SYTL1: variants seen among roughly 807,000 people sequenced by gnomAD.
SYTL1 encodes synaptotagmin like 1.
In SYTL1, 53 loss-of-function variants were observed where a neutral mutation model predicts 74.6. The ratio of observed to expected loss-of-function variants is 0.71; its 90% confidence interval spans 0.57 to 0.89. The LOEUF is 0.89. Ranked by LOEUF, SYTL1 falls within the 40% of genes least tolerant of loss-of-function variation. The pLI is 0.00. For missense variants in SYTL1, 728 were observed against 768.7 expected (o/e 0.95, Z 0.63); for synonymous variants, 329 against 324.9 (o/e 1.01, Z -0.14).
rs201371291 is a variant in SYTL1, at chr1:27,350,968, C to T, written c.1164+16C>T. On this transcript the variant is annotated intron_variant, in intron 11 of 14. Transcript: ENST00000616558. This position sits in a 1 kb window ranked among gnomAD's most constrained non-coding sequence, Gnocchi z 6.3. ...GCAGCCCCGGGTGAGGCAGCCAGGC[C>T]GCGTGGGGAGACCTGCGGCCCGGGT... 1.9e-5 allele frequency: 31 copies of T among 1,612,202 alleles called. No individual in the cohort carries two copies. The highest frequency in any genetic ancestry group is 6.7e-5 in the Admixed American group (4 of 59,968).
In SYTL1 at chr1:27,349,764, C is replaced by G; in HGVS notation, c.746C>G (p.Thr249Arg). ...SSSVSSLNSS[T>R]LSGSQMSLSG... Reference sequence around the variant, plus strand: ...TCGGTGTCCAGCCTTAACTCCTCCACGGTGAGGCGGGAGGGAGGGGACCCG... The same window carrying G: ...TCGGTGTCCAGCCTTAACTCCTCCAGGGTGAGGCGGGAGGGAGGGGACCCG... Residue 249 changes from threonine (T) to arginine (R), a missense_variant and splice_region_variant, in exon 8 of 15, where the codon ACG (threonine) becomes AGG (arginine). Coordinates refer to ENST00000616558, the MANE Select transcript of SYTL1 (RefSeq NM_001193308.2). The G allele has an allele frequency of 1.3e-6, 2 of 1,596,342 alleles. No homozygotes were observed. The highest frequency in any genetic ancestry group is 1.7e-6 in the Non-Finnish European group (2 of 1,176,272).
Position 27,350,825 on chromosome 1 carries a change from G to A in SYTL1, c.1037G>A (p.Arg346His), listed in dbSNP as rs753631898. ...YSVPQAELQG[R>H]VLSLSVWHRE... ...GTCCCGCAGGCCGAGCTTCAGGGCC[G>A]CGTGCTGAGCCTGTCTGTGTGGCAC... Residue 346 changes from arginine (R) to histidine (H), a missense_variant, in exon 11 of 15, where the codon CGC (arginine) becomes CAC (histidine). Arg to His is a conservative substitution (Grantham distance 29, BLOSUM62 0). Coordinates refer to ENST00000616558, the MANE Select transcript of SYTL1 (RefSeq NM_001193308.2). The surrounding 1 kb of genome is among the most constrained non-coding windows in gnomAD (Gnocchi z 6.3). 2 of 1,613,808 alleles carry A rather than the reference G, an allele frequency of 1.2e-6. No individual in the cohort carries two copies. Among genetic ancestry groups the A allele is most frequent in the Non-Finnish European group, 1.7e-6 (2 of 1,180,038 alleles).
rs1453391205 is a variant in SYTL1 at position 27,350,334 on chromosome 1, C to A, written c.909-55C>A. On this transcript the variant is annotated intron_variant, in intron 9 of 14. Transcript: ENST00000616558. This position sits in a 1 kb window ranked among gnomAD's most constrained non-coding sequence, Gnocchi z 6.3. ...GATGGTGGCTGGGGGAGCCCACAGG[C>A]AGGGGAGAAGGCTCTGGGAGGGCCC... is the stretch of plus-strand genomic sequence containing the variant. 4.5e-6 allele frequency: 7 copies of A among 1,546,134 alleles called. No individual in the cohort carries two copies. The East Asian group carries it at 1.3e-4, about 30-fold the overall frequency.
At position 27,350,726 on chromosome 1, in the gene SYTL1, A is replaced by G; in HGVS notation, c.1006-68A>G. 1.3e-6 allele frequency: 2 copies of G among 1,568,336 alleles called. No homozygotes were observed. The highest frequency in any genetic ancestry group is 1.7e-6 in the Non-Finnish European group (2 of 1,149,332). On this transcript the variant is annotated intron_variant, in intron 10 of 14. Transcript: ENST00000616558. This position sits in a 1 kb window ranked among gnomAD's most constrained non-coding sequence, Gnocchi z 6.3. Reference sequence around the variant, plus strand: ...GTAGGAACGCGGTAGGACCTGCCTCAGCCAACTCGCGCAGCATCTACGCGG... The same window carrying G: ...GTAGGAACGCGGTAGGACCTGCCTCGGCCAACTCGCGCAGCATCTACGCGG...
In SYTL1 at chr1:27,350,300, C is replaced by A; in HGVS notation, c.909-89C>A. 6.7e-7 allele frequency: 1 copy of A among 1,490,482 alleles called. No individual in the cohort carries two copies. Among genetic ancestry groups the A allele is most frequent in the Non-Finnish European group, 9.4e-7 (1 of 1,067,582 alleles). 92.3% of individuals were successfully genotyped at this position (1,490,482 alleles called of 1,614,324 possible). On this transcript the variant is annotated intron_variant, in intron 9 of 14. Transcript: ENST00000616558. This position sits in a 1 kb window ranked among gnomAD's most constrained non-coding sequence, Gnocchi z 6.3. ...AAAGCGCTTAGCACGAGGCCTGGCA[C>A]GTGTTCGGGATGGTGGCTGGGGGAG...
In SYTL1 at chr1:27,345,275, C is replaced by A; in HGVS notation, c.-38-22C>A. The A allele has an allele frequency of 7.6e-7, 1 of 1,320,482 alleles. No individual in the cohort carries two copies. 81.8% of individuals were successfully genotyped at this position (1,320,482 alleles called of 1,614,324 possible). A position where few individuals can be genotyped will look rare whatever the true frequency, so the allele number is the denominator to read the frequency against. On this transcript the variant is annotated intron_variant, in intron 1 of 14. Coordinates refer to ENST00000616558, the MANE Select transcript of SYTL1 (RefSeq NM_001193308.2). The surrounding 1 kb of genome is among the most constrained non-coding windows in gnomAD (Gnocchi z 6.0). ...GCCAAGCATTTGTGCAGGGCTTGACCTGACCCTCGGTCTGCCCCCAGGAAG... is the reference window on the plus strand; with the variant it reads ...GCCAAGCATTTGTGCAGGGCTTGACATGACCCTCGGTCTGCCCCCAGGAAG...
In SYTL1 at chr1:27,348,731, T is replaced by TA. The variant is rs559378028; in HGVS notation, c.460-349_460-348insA. ...TCAATTAAAAATAATAAGAATAAAT[T>TA]TAAAAAAAGAAAAAAGGTTGTCTAC... On this transcript the variant is annotated intron_variant, in intron 5 of 14. Transcript: ENST00000616558. This position sits in a 1 kb window ranked among gnomAD's most constrained non-coding sequence, Gnocchi z 4.1. Among the ~76,000 whole-genome samples the TA allele has an allele frequency of 2.5e-4, 37 of 149,406 alleles. No individual in the cohort carries two copies. The South Asian group carries it at 7.2e-3, about 29-fold the overall frequency.
chr1:27,350,894 T>A lies in SYTL1; in HGVS notation c.1106T>A (p.Val369Glu), dbSNP rs372863334. Residue 369 changes from valine (V) to glutamate (E), a missense_variant, in exon 11 of 15, where the codon GTG (valine) becomes GAG (glutamate). By Grantham distance (121) the Val-to-Glu change is moderately radical. Coordinates refer to ENST00000616558, the MANE Select transcript of SYTL1 (RefSeq NM_001193308.2). This position sits in a 1 kb window ranked among gnomAD's most constrained non-coding sequence, Gnocchi z 6.3. Reference protein sequence around the residue: ...GRNIFLGEVEVPLDTWDWGSE... With the variant: ...GRNIFLGEVEEPLDTWDWGSE... The stretch of plus-strand genomic sequence containing the variant: ...AACATCTTTCTGGGCGAAGTTGAAG[T>A]GCCCCTGGACACGTGGGACTGGGGC... 7.4e-6 allele frequency: 12 copies of A among 1,613,552 alleles called. No homozygotes were observed. The highest frequency in any genetic ancestry group is 1.0e-5 in the Non-Finnish European group (12 of 1,179,980).
chr1:27,347,828 G>C lies in SYTL1; in HGVS notation c.361G>C (p.Asp121His). Residue 121 changes from aspartate to histidine, a missense_variant, in exon 4 of 15, where the codon GAC becomes CAC. Coordinates refer to ENST00000616558, the MANE Select transcript of SYTL1 (RefSeq NM_001193308.2). The surrounding 1 kb of genome is among the most constrained non-coding windows in gnomAD (Gnocchi z 4.9). ...STRGDQAPGH[D>H]REAEAAVKEK... is the part of the protein sequence containing the mutation. ...CCCAGGAGACCAGGCTCCAGGCCACGACAGGGAGGCTGAGGCTGCTGTGAA... is the reference window on the plus strand; with the variant it reads ...CCCAGGAGACCAGGCTCCAGGCCACCACAGGGAGGCTGAGGCTGCTGTGAA... The C allele has an allele frequency of 6.2e-7, 1 of 1,613,684 alleles. No homozygotes were observed. The highest frequency in any genetic ancestry group is 8.5e-7 in the Non-Finnish European group (1 of 1,179,770).
Position 27,350,898 on chromosome 1 carries a change from C to G in SYTL1, c.1110C>G (p.Pro370=). The G allele has an allele frequency of 6.2e-7, 1 of 1,613,718 alleles. No individual in the cohort carries two copies. Among genetic ancestry groups the G allele is most frequent in the Non-Finnish European group, 8.5e-7 (1 of 1,179,982 alleles). The change falls in exon 11 of 15, where the codon CCC becomes CCG. Residue 370 remains proline (P), a synonymous_variant. Coordinates refer to ENST00000616558, the MANE Select transcript of SYTL1 (RefSeq NM_001193308.2). The surrounding 1 kb of genome is among the most constrained non-coding windows in gnomAD (Gnocchi z 6.3). The stretch of plus-strand genomic sequence containing the variant: ...TCTTTCTGGGCGAAGTTGAAGTGCC[C>G]CTGGACACGTGGGACTGGGGCTCTG... ...RNIFLGEVEV[P]LDTWDWGSEP...
chr1:27,346,736 G>C (rs1443835504), intron 2 of SYTL1, among the ~76,000 whole-genome samples: 1 of 151,908 alleles, frequency 6.6e-6, no homozygotes, highest in South Asian at 2.1e-4. Flanking sequence ...ACTCCAGCCC[G>C]GGCAACAGAG....
rs544888853 is a variant in SYTL1 at position 27,342,886 on chromosome 1, C to T, written c.-39+736C>T. Among the ~76,000 whole-genome samples, 86 of 152,078 alleles carry T rather than the reference C, an allele frequency of 5.7e-4. No individual in the cohort carries two copies. In the Middle Eastern group the frequency reaches 0.01, roughly 18 times the overall value. Reference sequence around the variant, plus strand: ...TCACACCCCAATCCACAGGGGAGGCCGAACGTGGGCTCACACGTTGGCCAC... The same window carrying T: ...TCACACCCCAATCCACAGGGGAGGCTGAACGTGGGCTCACACGTTGGCCAC... On this transcript the variant is annotated intron_variant, in intron 1 of 14. Coordinates refer to ENST00000616558, the MANE Select transcript of SYTL1 (RefSeq NM_001193308.2). This position sits in a 1 kb window ranked among gnomAD's most constrained non-coding sequence, Gnocchi z 4.7.
chr1:27,342,348 C>T lies in SYTL1; in HGVS notation c.-39+198C>T. ...ACCGTGTCAAAACAGCAGAGAAGAC[C>T]AAACTCCTACCTAACTCTGGTAGGA... On this transcript the variant is annotated intron_variant, in intron 1 of 14. Transcript: ENST00000616558. The surrounding 1 kb of genome is among the most constrained non-coding windows in gnomAD (Gnocchi z 4.7). 1.0e-6 allele frequency: 1 copy of T among 985,134 alleles called. No individual in the cohort carries two copies. The highest frequency in any genetic ancestry group is 1.2e-6 in the Non-Finnish European group (1 of 829,642). The allele number at this position is 985,134 out of a possible 1,614,324, so 61.0% of individuals were successfully genotyped here.
At chr1:27,344,590 G>A (rs2014914496) in intron 1 of SYTL1, among the ~76,000 whole-genome samples, 4 of 148,960 alleles carry the variant, frequency 2.7e-5, no homozygotes, top group Admixed American at 2.7e-4. Flanking sequence ...GGTGGCTCAC[G>A]CCTGTACTCC....
rs1413339209 is a variant in SYTL1, at chr1:27,351,565, G to A, written c.1343+10G>A. The stretch of plus-strand genomic sequence containing the variant: ...ACACTTACGTACAATGGTGAGGAGT[G>A]CTGGCCCTCCGGGCTTCCCATTCTT... On this transcript the variant is annotated intron_variant, in intron 13 of 14. Coordinates refer to ENST00000616558, the MANE Select transcript of SYTL1 (RefSeq NM_001193308.2). The surrounding 1 kb of genome is among the most constrained non-coding windows in gnomAD (Gnocchi z 5.0). 1 of 1,503,914 alleles carries A rather than the reference G, an allele frequency of 6.6e-7. No individual in the cohort carries two copies. The highest frequency in any genetic ancestry group is 2.3e-5 in the Admixed American group (1 of 44,288). 93.2% of individuals were successfully genotyped at this position (1,503,914 alleles called of 1,614,324 possible).
chr1:27,343,687 T>C lies in SYTL1; in HGVS notation c.-39+1537T>C, dbSNP rs188541258. Among the ~76,000 whole-genome samples the C allele has an allele frequency of 6.6e-6, 1 of 152,250 alleles. No homozygotes were observed. The highest frequency in any genetic ancestry group is 6.5e-5 in the Admixed American group (1 of 15,282). ...GTGTGTGCAGGCATATTTCTGCATTTAATTAATCAAACTTTTACCAACCAT... is the reference window on the plus strand; with the variant it reads ...GTGTGTGCAGGCATATTTCTGCATTCAATTAATCAAACTTTTACCAACCAT... On this transcript the variant is annotated intron_variant, in intron 1 of 14. Transcript: ENST00000616558. This position sits in a 1 kb window ranked among gnomAD's most constrained non-coding sequence, Gnocchi z 5.2.
rs1051398866 is a variant in SYTL1 at position 27,350,724 on chromosome 1, T to A, written c.1006-70T>A. ...TGGTAGGAACGCGGTAGGACCTGCC[T>A]CAGCCAACTCGCGCAGCATCTACGC... On this transcript the variant is annotated intron_variant, in intron 10 of 14. Coordinates refer to ENST00000616558, the MANE Select transcript of SYTL1 (RefSeq NM_001193308.2). This position sits in a 1 kb window ranked among gnomAD's most constrained non-coding sequence, Gnocchi z 6.3. 2 of 1,565,170 alleles carry A rather than the reference T, an allele frequency of 1.3e-6. No individual in the cohort carries two copies. The highest frequency in any genetic ancestry group is 2.7e-5 in the African/African-American group (2 of 74,154).
At position 27,345,156 on chromosome 1, in the gene SYTL1, C is replaced by A; in HGVS notation, c.-38-141C>A. ...TGTATGCATGTGTGCATGAGTGTCT[C>A]TCACCCCACCTTGAGCTCAGCCATC... On this transcript the variant is annotated intron_variant, in intron 1 of 14. Transcript: ENST00000616558. This position sits in a 1 kb window ranked among gnomAD's most constrained non-coding sequence, Gnocchi z 6.0. 1.9e-6 allele frequency: 1 copy of A among 526,636 alleles called. No individual in the cohort carries two copies. Among genetic ancestry groups the A allele is most frequent in the Non-Finnish European group, 3.3e-6 (1 of 298,924 alleles). 32.6% of individuals were successfully genotyped at this position (526,636 alleles called of 1,614,324 possible).
Position 27,345,144 on chromosome 1 carries a change from G to A in SYTL1, c.-38-153G>A, listed in dbSNP as rs913186742. 1.9e-6 allele frequency: 1 copy of A among 517,428 alleles called. No individual in the cohort carries two copies. The allele number at this position is 517,428 out of a possible 1,614,324, so 32.1% of individuals were successfully genotyped here. A position where few individuals can be genotyped will look rare whatever the true frequency, so the allele number is the denominator to read the frequency against. On this transcript the variant is annotated intron_variant, in intron 1 of 14. Transcript: ENST00000616558. This position sits in a 1 kb window ranked among gnomAD's most constrained non-coding sequence, Gnocchi z 6.0. ...TTCAAGGGCTAGTGTATGCATGTGT[G>A]CATGAGTGTCTCTCACCCCACCTTG...
Sources: gnomAD v4.1 joint callset for allele counts (sites outside exome capture counted in the v4.1 genomes callset) on GRCh38, gnomAD v4.1.1 for gene constraint, Gnocchi (gnomAD v3.1) non-coding constraint, MANE v1.5 for transcripts, NCBI Gene and HGNC (gene_info 2026-07-23, HGNC 2026-07-21) for gene names.